Variants in ELP4 observed in about 807,000 individuals in gnomAD.
The protein encoded by ELP4 is elongator acetyltransferase complex subunit 4, also known as elongator complex protein 4.
A neutral mutation model predicts 48.9 loss-of-function variants in ELP4; 51 were observed. The ratio of observed to expected loss-of-function variants is 1.04; its 90% CI spans 0.83 to 1.32. ELP4 has a LOEUF of 1.32. ELP4 is among the 40% of genes most tolerant of loss of function. The probability of loss-of-function intolerance (pLI) is 0.00; values close to 1 mark genes in which losing one functional copy is unlikely to be tolerated. For missense variants in ELP4, 519 were observed against 514.6 expected (o/e 1.01, Z -0.08); for synonymous variants, 210 against 189.2 (o/e 1.11, Z -0.90).
At chr11:31,551,921 C>G (rs1956860454) in intron 3 of ELP4, among the ~76,000 whole-genome samples, 1 of 152,112 alleles carries the variant, frequency 6.6e-6, no homozygotes, top group Non-Finnish European at 1.5e-5. Context: ...TAGGTTGACA[C>G]ACAGATTTCT....
At chr11:31,650,280 TTTTAC>T (rs886886787) in intron 9 of ELP4, 59 bp downstream of exon 9, 11 of 545,976 alleles carry the variant, frequency 2.0e-5, no homozygotes, top group South Asian at 1.5e-4. Flanking sequence ...TTTAACTTAT[TTTTAC>T]TTTATTTTAT....
intron 7 of ELP4, chr11:31,645,683 T>A (rs1386044233): frequency 6.6e-6 from 1 of 151,882 alleles, no homozygotes; most frequent in African/African-American, 2.4e-5. Context: ...TTAAGAAATA[T>A]TGTCAGTAGC....
At chr11:31,668,675 C>CATGTGTGGGTGTGTGT (rs757792983) in intron 9 of ELP4, among the ~76,000 whole-genome samples, 1 of 121,040 alleles carries the variant, frequency 8.3e-6, no homozygotes, top group Non-Finnish European at 1.7e-5. Flanking sequence ...CCTTTGGTAC[C>CATGTGTGGGTGTGTGT]GTGTGTGTGT....
rs557075484 is a variant in ELP4, at chr11:31,619,731, A to T, written c.654-7379A>T. ...TTTGTTACATAAGCAAACTTGTGTC[A>T]TGGGGGTTTGTTGTATAGATTATGT... On this transcript the variant is annotated intron_variant, in intron 5 of 9. Coordinates refer to ENST00000640961, the MANE Select transcript of ELP4 (RefSeq NM_019040.5). Among the ~76,000 whole-genome samples, 51 of 151,244 alleles carry T rather than the reference A, an allele frequency of 3.4e-4. 2 individuals carry two copies. The Middle Eastern group carries it at 0.01, about 30-fold the overall frequency.
At chr11:31,727,722 C>G (rs1947103990) in intron 9 of ELP4, 1 of 152,112 alleles carries the variant, frequency 6.6e-6, no homozygotes, top group African/African-American at 2.4e-5. Flanking sequence ...CACATAATAA[C>G]TACTCGAATA....
chr11:31,670,871 A>C (rs998262579), intron 9 of ELP4, among the ~76,000 whole-genome samples: 2 of 151,962 alleles, frequency 1.3e-5, no homozygotes, highest in African/African-American at 4.8e-5. Flanking sequence ...AAGAAATAGG[A>C]ATTATAGTTC....
At chr11:31,746,862 C>T (rs1432995674) in intron 9 of ELP4, among the ~76,000 whole-genome samples, 1 of 151,924 alleles carries the variant, frequency 6.6e-6, no homozygotes, top group Non-Finnish European at 1.5e-5. Flanking sequence ...ACGTTGTGCA[C>T]ATGTACCCTA....
rs932647937 is a variant in ELP4 at position 31,623,045 on chromosome 11, G to A, written c.654-4065G>A. Among the ~76,000 whole-genome samples, 4 of 65,170 alleles carry A rather than the reference G, an allele frequency of 6.1e-5. No homozygotes were observed. In the South Asian group the frequency reaches 2.7e-3, roughly 45 times the overall value. The allele number at this position is 65,170 out of a possible 152,430, so 42.8% of individuals were successfully genotyped here. Reference sequence around the variant, plus strand: ...AATAGATCATTATAATATAAAAGTTGTTGAAAATATATGAAATTCAGGCAA... The same window carrying A: ...AATAGATCATTATAATATAAAAGTTATTGAAAATATATGAAATTCAGGCAA... On this transcript the variant is annotated intron_variant, in intron 5 of 9. Coordinates refer to ENST00000640961, the MANE Select transcript of ELP4 (RefSeq NM_019040.5).
chr11:31,631,941 T>C (rs1944869875), intron 6 of ELP4, among the ~76,000 whole-genome samples: 2 of 152,124 alleles, frequency 1.3e-5, no homozygotes, highest in African/African-American at 4.8e-5. Context: ...TTAAATATAA[T>C]TCTTAGAGTT....
rs548003006 is a variant in ELP4, at chr11:31,582,342, CATT to C, written c.382-12421_382-12419del. On this transcript the variant is annotated intron_variant, in intron 3 of 9. Coordinates refer to ENST00000640961, the MANE Select transcript of ELP4 (RefSeq NM_019040.5). Reference sequence around the variant, plus strand: ...TTTTTTAAATTAGCATTGCTATCATCATTATTATTGATCTTTTATTCTGAGGGA... The same window carrying C: ...TTTTTTAAATTAGCATTGCTATCATCATTATTGATCTTTTATTCTGAGGGA... 2.4e-3 allele frequency among the ~76,000 whole-genome samples: 365 copies of C among 152,262 alleles called. 2 individuals carry two copies. The Middle Eastern group carries it at 0.051, about 21-fold the overall frequency.
chr11:31,754,131 C>T (rs1268019886), intron 9 of ELP4, among the ~76,000 whole-genome samples: 1 of 152,118 alleles, frequency 6.6e-6, no homozygotes, highest in African/African-American at 2.4e-5. Context: ...AGCCTAATCC[C>T]CATCATATCT....
intron 3 of ELP4, among the ~76,000 whole-genome samples, chr11:31,583,327 A>T (rs1295318900): frequency 2.6e-5 from 4 of 152,210 alleles, no homozygotes; most frequent in South Asian, 2.1e-4. Flanking sequence ...AGAAAAAAAA[A>T]TTTGAGATGC....
At chr11:31,666,429 C>G (rs1389299348) in intron 9 of ELP4, among the ~76,000 whole-genome samples, 1 of 152,080 alleles carries the variant, frequency 6.6e-6, no homozygotes, top group Non-Finnish European at 1.5e-5. Context: ...TGCAGTCGCT[C>G]ACGCCTGTAA....
chr11:31,751,918 C>T (rs1947730002), intron 9 of ELP4, among the ~76,000 whole-genome samples: 1 of 151,970 alleles, frequency 6.6e-6, no homozygotes, highest in Non-Finnish European at 1.5e-5. Context: ...ATCTTCCCCA[C>T]AAAAAAGGTA....
chr11:31,724,408 G>T (rs1053581976), intron 9 of ELP4, among the ~76,000 whole-genome samples: 1 of 152,194 alleles, frequency 6.6e-6, no homozygotes. Flanking sequence ...TAATTGAAAT[G>T]CTGTTATAAA....
intron 3 of ELP4, among the ~76,000 whole-genome samples, chr11:31,549,609 C>G (rs976645940): frequency 6.6e-6 from 1 of 151,894 alleles, no homozygotes; most frequent in Non-Finnish European, 1.5e-5. Flanking sequence ...ACTAGAAATA[C>G]CATTTGACCC....
At chr11:31,754,511 C>CT (rs1947793737) in intron 9 of ELP4, among the ~76,000 whole-genome samples, 3 of 152,130 alleles carry the variant, frequency 2.0e-5, no homozygotes, top group Middle Eastern at 6.8e-3. Context: ...CCCTACTTCA[C>CT]TTTTTTTAAG....
At chr11:31,620,142 G>T (rs565870365) in intron 5 of ELP4, among the ~76,000 whole-genome samples, 2 of 151,988 alleles carry the variant, frequency 1.3e-5, no homozygotes, top group Admixed American at 6.6e-5. Flanking sequence ...AGCCTTAAGG[G>T]CTTATTGAGG....
In ELP4 at chr11:31,510,143, G is replaced by A. The variant is rs1955958413; in HGVS notation, c.223+136G>A. ...GAGGAGAGAATAGCCTGGTCTGATT[G>A]AGATGGAGGGGAATACGGGTTGTGT... On this transcript the variant is annotated intron_variant, in intron 1 of 9. Coordinates refer to ENST00000640961, the MANE Select transcript of ELP4 (RefSeq NM_019040.5). 3 of 772,188 alleles carry A rather than the reference G, an allele frequency of 3.9e-6. No individual in the cohort carries two copies. In the South Asian group the frequency reaches 5.2e-5, roughly 13 times the overall value. 47.8% of individuals were successfully genotyped at this position (772,188 alleles called of 1,614,324 possible).
Sources: allele counts gnomAD v4.1 joint callset (sites outside exome capture counted in the v4.1 genomes callset), GRCh38; gene constraint gnomAD v4.1.1; transcripts MANE v1.5; gene names NCBI Gene and HGNC (gene_info 2026-07-23, HGNC 2026-07-21).